The following PDS5B variants were observed in gnomAD, a reference collection of about 807,000 sequenced individuals.
PDS5B encodes PDS5 cohesin associated factor B, also known as sister chromatid cohesion protein PDS5 homolog B.
Under a neutral mutation model 184.1 loss-of-function variants are expected in PDS5B, and 51 were observed. The observed-to-expected ratio is 0.28, with a 90% CI of 0.22 to 0.35. PDS5B has a LOEUF of 0.35. Among genes scored for constraint, PDS5B ranks in the 10% least tolerant of loss-of-function variants. The pLI, the probability that PDS5B is intolerant of heterozygous loss-of-function variation, is 1.00. For missense variants in PDS5B, 1,180 were observed against 1,723.3 expected, an observed-to-expected ratio of 0.68 and a Z score of 5.58; for synonymous variants, 566 against 569.2, an observed-to-expected ratio of 0.99 and a Z score of 0.08.
intron 1 of PDS5B, among the ~76,000 whole-genome samples, chr13:32,602,316 C>T (rs2057989434): frequency 6.6e-6 from 1 of 152,072 alleles, no homozygotes; most frequent in African/African-American, 2.4e-5. Context: ...TCTCATTGTT[C>T]AATTCCCACC....
chr13:32,773,100 A>G (rs1402730352), intron 33 of PDS5B, 89 bp from the exon 34 acceptor site: 8 of 1,084,278 alleles, frequency 7.4e-6, no homozygotes, highest in Non-Finnish European at 1.1e-5. Context: ...AGATGATATG[A>G]CGATGAAATA....
chr13:32,655,370 A>ATG (rs1228061305), intron 3 of PDS5B, among the ~76,000 whole-genome samples: 6 of 26,946 alleles, frequency 2.2e-4, no homozygotes, highest in Non-Finnish European at 2.6e-4. Context: ...ATATATATAT[A>ATG]TATATTTTTT....
At chr13:32,594,401 A>G (rs2057824978) in intron 1 of PDS5B, among the ~76,000 whole-genome samples, 1 of 152,206 alleles carries the variant, frequency 6.6e-6, no homozygotes, top group African/African-American at 2.4e-5. Context: ...AGATACAAAG[A>G]TGAAAGATAC....
Position 32,678,898 on chromosome 13 carries a change from G to T in PDS5B, c.1026G>T (p.Met342Ile), listed in dbSNP as rs1951149760. ...TGAAATTTGCTAGCCATTGTCTCAT[G>T]AACCATCCTGATTTAGCAAAAGACT... is the stretch of plus-strand genomic sequence containing the variant. ...ECVKFASHCL[M>I]NHPDLAKDLT... Residue 342 changes from methionine to isoleucine, a missense_variant, in exon 10 of 35, where the codon ATG becomes ATT. Physicochemically the swap from Met to Ile is conservative, Grantham distance 10. Around this residue, in one of 11 missense-constraint regions of PDS5B, gnomAD observed 475 missense variants for 691.5 expected, o/e 0.69. Transcript: ENST00000315596. The T allele has an allele frequency of 6.2e-7, 1 of 1,603,566 alleles. No individual in the cohort carries two copies. The highest frequency in any genetic ancestry group is 1.7e-5 in the Admixed American group (1 of 59,968).
intron 1 of PDS5B, among the ~76,000 whole-genome samples, chr13:32,603,686 C>T (rs187215189): frequency 7.5e-4 from 114 of 152,214 alleles, no homozygotes; most frequent in Non-Finnish European, 1.2e-3. Context: ...TTACCTTGGG[C>T]GGTATGGCCA....
chr13:32,649,711 T>C (rs982262799), intron 2 of PDS5B: 2 of 152,160 alleles, frequency 1.3e-5, no homozygotes, highest in African/African-American at 2.4e-5. Context: ...GCTAATACTA[T>C]CATAAATTTC....
chr13:32,726,481 C>T (rs1593531343), intron 19 of PDS5B, among the ~76,000 whole-genome samples: 3 of 152,216 alleles, frequency 2.0e-5, no homozygotes, highest in Middle Eastern at 3.4e-3. Flanking sequence ...AATGCATGTA[C>T]AATTTTGCTA....
chr13:32,754,627 G>T (rs1450063624), intron 25 of PDS5B, among the ~76,000 whole-genome samples: 1 of 152,048 alleles, frequency 6.6e-6, no homozygotes, highest in Non-Finnish European at 1.5e-5. Flanking sequence ...GGGGTCTGCA[G>T]TCACATCCCA....
chr13:32,600,825 G>A (rs2057962662), intron 1 of PDS5B, among the ~76,000 whole-genome samples: 1 of 152,214 alleles, frequency 6.6e-6, no homozygotes, highest in South Asian at 2.1e-4. Flanking sequence ...GCAGTGGACA[G>A]CAGCTAAAAT....
At chr13:32,634,000 A>G (rs1364965807) in intron 1 of PDS5B, among the ~76,000 whole-genome samples, 1 of 152,116 alleles carries the variant, frequency 6.6e-6, no homozygotes, top group Non-Finnish European at 1.5e-5. Context: ...TTCTCCTACT[A>G]AACTATACTT....
chr13:32,621,004 T>C (rs1328014601), intron 1 of PDS5B, among the ~76,000 whole-genome samples: 1 of 152,250 alleles, frequency 6.6e-6, no homozygotes, highest in African/African-American at 2.4e-5. Context: ...ATTGTGGTTA[T>C]GGCTATAATG....
chr13:32,646,522 A>C (rs994949631), intron 1 of PDS5B, among the ~76,000 whole-genome samples: 1 of 150,492 alleles, frequency 6.6e-6, no homozygotes, highest in Admixed American at 6.6e-5. Flanking sequence ...TGGACAAACT[A>C]TACGTTTCTA....
chr13:32,668,347 T>C (rs1001357570), intron 7 of PDS5B, among the ~76,000 whole-genome samples: 1 of 152,182 alleles, frequency 6.6e-6, no homozygotes, highest in Admixed American at 6.5e-5. Context: ...TATAAATCTA[T>C]CTTTTCTGGA....
chr13:32,745,892 A>T, intron 23 of PDS5B, 85 bp from the exon 24 acceptor site: 3 of 1,170,510 alleles, frequency 2.6e-6, no homozygotes, highest in South Asian at 1.5e-5. Flanking sequence ...TTTTTGTGCC[A>T]GAATTTTTAA....
chr13:32,712,175 G>A (rs117159152), intron 19 of PDS5B, among the ~76,000 whole-genome samples: 1 of 152,264 alleles, frequency 6.6e-6, no homozygotes, highest in East Asian at 1.9e-4. Context: ...AAGAAACATG[G>A]TTTGATATAT....
At chr13:32,716,345 C>T (rs563076422) in intron 19 of PDS5B, among the ~76,000 whole-genome samples, 49 of 152,090 alleles carry the variant, frequency 3.2e-4, no homozygotes, top group African/African-American at 8.9e-4. Flanking sequence ...CGCCCCTGCC[C>T]GGCTGCGACC....
At chr13:32,605,739 G>T (rs933300396) in intron 1 of PDS5B, among the ~76,000 whole-genome samples, 2 of 152,162 alleles carry the variant, frequency 1.3e-5, no homozygotes, top group Non-Finnish European at 2.9e-5. Context: ...CTTGCTTTAT[G>T]AATCTGGGTG....
At chr13:32,633,312 CAT>C (rs1247290882) in intron 1 of PDS5B, among the ~76,000 whole-genome samples, 19 of 151,996 alleles carry the variant, frequency 1.3e-4, no homozygotes, top group Admixed American at 5.9e-4. Flanking sequence ...TTCTATGTTA[CAT>C]ATATTTTACA....
intron 25 of PDS5B, 111 bp from the exon 26 acceptor site, chr13:32,755,731 G>A (rs1248082345): frequency 2.2e-5 from 12 of 555,802 alleles, no homozygotes; most frequent in South Asian, 2.0e-4. Context: ...AATATAGTAC[G>A]AAAGAAAGAG....
Sources: allele counts gnomAD v4.1 joint callset (sites outside exome capture counted in the v4.1 genomes callset), GRCh38; gene constraint gnomAD v4.1.1; regional missense constraint gnomAD v4.1.1; transcripts MANE v1.5; gene names NCBI Gene and HGNC (gene_info 2026-07-23, HGNC 2026-07-21).